The following GFM2 variants were observed in gnomAD, a reference collection of about 807,000 sequenced individuals.
The protein encoded by GFM2 is ribosome-releasing factor 2, mitochondrial.
Under a neutral mutation model 95.4 loss-of-function variants are expected in GFM2, and 72 were observed. That is an observed-to-expected ratio of 0.76 (90% CI 0.62 to 0.92). The LOEUF (loss-of-function observed/expected upper bound fraction) is 0.92, where lower values mean the gene tolerates loss of function less well. GFM2 is among the 40% of genes least tolerant of loss of function. The pLI is 0.00. For synonymous variants in GFM2, 276 were observed against 317.5 expected, an observed-to-expected ratio of 0.87 and a Z score of 1.39; for missense variants, 825 against 924.1, an observed-to-expected ratio of 0.89 and a Z score of 1.39.
intron 7 of GFM2, among the ~76,000 whole-genome samples, chr5:74,749,179 A>C (rs1292798453): frequency 1.3e-5 from 2 of 151,522 alleles, no homozygotes; most frequent in East Asian, 2.0e-4. Flanking sequence ...ACACCCAGCT[A>C]ATTTTTTTTG....
At chr5:74,739,151 A>C (rs777551100) in intron 12 of GFM2, among the ~76,000 whole-genome samples, 1 of 152,044 alleles carries the variant, frequency 6.6e-6, no homozygotes, top group Non-Finnish European at 1.5e-5. Context: ...CAATTGCCAA[A>C]TTTTGCGCAT....
At chr5:74,757,574 CAA>C (rs1744053398) in intron 5 of GFM2, among the ~76,000 whole-genome samples, 1 of 151,614 alleles carries the variant, frequency 6.6e-6, no homozygotes, top group Non-Finnish European at 1.5e-5. Context: ...ACCAAAAATA[CAA>C]AAGTTAGCCA....
chr5:74,722,172 A>AC (rs2112195821), intron 20 of GFM2: 1 of 558,514 alleles, frequency 1.8e-6, no homozygotes, highest in East Asian at 3.0e-5. Flanking sequence ...GACTGTAAAT[A>AC]CCCCCTTGTA....
chr5:74,745,855 T>C lies in GFM2; in HGVS notation c.672A>G (p.Leu224=). Residue 224 remains leucine (L), a splice_region_variant and synonymous_variant, in exon 10 of 21, where the codon TTA becomes TTG. Coordinates refer to ENST00000296805, the MANE Select transcript of GFM2 (RefSeq NM_032380.5). ...KLKAKPLLLQ[L]PIGEAKTFKG... ...TGAAAGTTTTGGCTTCACCAATTGG[T>C]AACTGTAAGTCAGAGTGAGATTAAC... 6.2e-7 allele frequency: 1 copy of C among 1,608,764 alleles called. No homozygotes were observed. The highest frequency in any genetic ancestry group is 1.1e-5 in the South Asian group (1 of 90,888).
intron 17 of GFM2, among the ~76,000 whole-genome samples, chr5:74,729,406 A>G (rs1004893344): frequency 1.3e-5 from 2 of 152,216 alleles, no homozygotes; most frequent in South Asian, 2.1e-4. Flanking sequence ...ACTCTAGCCT[A>G]TAGTGCTGAC....
chr5:74,737,207 A>C (rs991364989), intron 14 of GFM2, among the ~76,000 whole-genome samples: 1 of 152,248 alleles, frequency 6.6e-6, no homozygotes, highest in African/African-American at 2.4e-5. Context: ...AAATTCTAAC[A>C]AACAATAAAA....
Position 74,722,621 on chromosome 5 carries a change from G to A in GFM2, c.2029-60C>T. ...TAAATAAAAACTTAAAATAAATACA[G>A]CCTAGAGCTCATACAAAAAGACATA... On this transcript the variant is annotated intron_variant, in intron 19 of 20. Coordinates refer to ENST00000296805, the MANE Select transcript of GFM2 (RefSeq NM_032380.5). 3 of 1,356,376 alleles carry A rather than the reference G, an allele frequency of 2.2e-6. No homozygotes were observed. In the South Asian group the frequency reaches 3.9e-5, roughly 18 times the overall value. 84.0% of individuals were successfully genotyped at this position (1,356,376 alleles called of 1,614,324 possible).
chr5:74,722,603 AAACTT>A (rs746085574), intron 19 of GFM2, 42 bp from the exon 20 acceptor site: 85 of 1,526,910 alleles, frequency 5.6e-5, no homozygotes, highest in South Asian at 3.8e-4. Flanking sequence ...TCATAAATAA[AAACTT>A]AAAATAAATA....
rs755504993 is a variant in GFM2, at chr5:74,745,663, T to C, written c.849+15A>G. On this transcript the variant is annotated intron_variant, in intron 10 of 20. Transcript: ENST00000296805. ...GCACACATTGGTGTTCATTTTATCA[T>C]TCATTATACTTTACTTGTTCAATTA... The C allele has an allele frequency of 5.7e-6, 9 of 1,586,962 alleles. No homozygotes were observed. The highest frequency in any genetic ancestry group is 4.5e-5 in the East Asian group (2 of 44,614).
chr5:74,749,384 AT>A lies in GFM2; in HGVS notation c.519+1194del, dbSNP rs1561254310. ...CTCCACATCCTCACCAACATTTGCT[AT>A]CACTCTTTTTAATTATAAGCATTCT... On this transcript the variant is annotated intron_variant, in intron 7 of 20. Coordinates refer to ENST00000296805, the MANE Select transcript of GFM2 (RefSeq NM_032380.5). Among the ~76,000 whole-genome samples the A allele has an allele frequency of 9.9e-5, 15 of 152,242 alleles. No individual in the cohort carries two copies. In the South Asian group the frequency reaches 2.9e-3, roughly 29 times the overall value.
intron 10 of GFM2, among the ~76,000 whole-genome samples, chr5:74,744,822 CA>C (rs1174328357): frequency 1.3e-5 from 2 of 152,126 alleles, no homozygotes; most frequent in Admixed American, 1.3e-4. Context: ...GAAACAACCT[CA>C]AAGCCCATCC....
chr5:74,740,190 G>A (rs1368265122), intron 11 of GFM2, 53 bp from the exon 12 acceptor site: 9 of 1,501,394 alleles, frequency 6.0e-6, no homozygotes, highest in Non-Finnish European at 7.2e-6. Flanking sequence ...GTCTTGGCGA[G>A]AAGCTCAAAA....
In GFM2 at chr5:74,758,832, G is replaced by A. The variant is rs922559233; in HGVS notation, c.304+17C>T. The A allele has an allele frequency of 3.4e-6, 5 of 1,463,990 alleles. No homozygotes were observed. The highest frequency in any genetic ancestry group is 4.8e-6 in the Non-Finnish European group (5 of 1,045,988). 90.7% of individuals were successfully genotyped at this position (1,463,990 alleles called of 1,614,324 possible). ...TTTGCTAATGGGGGGGTGGGAAGAGGAGGAATCCATTCTAACCTCCCAGTG... is the reference window on the plus strand; with the variant it reads ...TTTGCTAATGGGGGGGTGGGAAGAGAAGGAATCCATTCTAACCTCCCAGTG... On this transcript the variant is annotated intron_variant, in intron 5 of 20. Transcript: ENST00000296805.
chr5:74,737,015 A>C, intron 14 of GFM2, 30 bp from the exon 15 acceptor site: 1 of 1,610,206 alleles, frequency 6.2e-7, no homozygotes, highest in South Asian at 1.1e-5. Context: ...CTTGGAACGA[A>C]AGTGGCATTT....
chr5:74,728,770 T>TTTTTTTTTTTTTTTGAGA (rs756604027), intron 17 of GFM2, among the ~76,000 whole-genome samples: 4 of 113,794 alleles, frequency 3.5e-5, no homozygotes, highest in African/African-American at 1.6e-4. Flanking sequence ...TTTTTTTTTT[T>TTTTTTTTTTTTTTTGAGA]TTTTGAGATG....
intron 5 of GFM2, among the ~76,000 whole-genome samples, chr5:74,757,951 G>A (rs1321445335): frequency 6.6e-6 from 1 of 151,984 alleles, no homozygotes; most frequent in African/African-American, 2.4e-5. Flanking sequence ...GGGGAAAATG[G>A]GAGTTGTTTA....
intron 7 of GFM2, 48 bp from the exon 8 acceptor site, chr5:74,747,828 T>TA: frequency 1.3e-5 from 13 of 1,036,522 alleles, no homozygotes; most frequent in Admixed American, 1.9e-5. Context: ...AAAGTAACTA[T>TA]GTTACTAGAC....
At chr5:74,745,438 T>C (rs1160769541) in intron 10 of GFM2, among the ~76,000 whole-genome samples, 1 of 152,140 alleles carries the variant, frequency 6.6e-6, no homozygotes. Flanking sequence ...AAATGGCACA[T>C]AGCATTTACA....
Position 74,738,415 on chromosome 5 carries a change from T to C in GFM2, c.1223A>G (p.Glu408Gly), listed in dbSNP as rs1561244739. The change falls in exon 14 of 21, where the codon GAG becomes GGG. Residue 408 changes from glutamate to glycine, a missense_variant and splice_region_variant. Glu to Gly is a moderately conservative substitution (Grantham distance 98). Transcript: ENST00000296805. Reference protein sequence around the residue: ...AIHNINGNCTERISRLLLPFA... With the variant: ...AIHNINGNCTGRISRLLLPFA... ...CGGCAAAAGCAGACGACTTATTCTC[T>C]CCCTGTAAAATCACAATTTTATGTT... 1 of 1,612,882 alleles carries C rather than the reference T, an allele frequency of 6.2e-7. No individual in the cohort carries two copies. Among genetic ancestry groups the C allele is most frequent in the South Asian group, 1.1e-5 (1 of 90,830 alleles).
Sources: gnomAD v4.1 joint callset for allele counts (sites outside exome capture counted in the v4.1 genomes callset) on GRCh38, gnomAD v4.1.1 for gene constraint, MANE v1.5 for transcripts, NCBI Gene and HGNC (gene_info 2026-07-23, HGNC 2026-07-21) for gene names.